Variants in COL5A2 observed in about 807,000 individuals in gnomAD.
COL5A2 encodes collagen type V alpha 2 chain.
In COL5A2, 23 loss-of-function variants were observed where a neutral mutation model predicts 208.2. The ratio of observed to expected loss-of-function variants is 0.11; its 90% confidence interval spans 0.08 to 0.16. The LOEUF is 0.16. Ranked by LOEUF, COL5A2 falls within the 10% of genes least tolerant of loss-of-function variation. COL5A2 has a pLI of 1.00. For missense variants in COL5A2, 1,590 were observed against 1,956.4 expected, an observed-to-expected ratio of 0.81 and a Z score of 3.53; for synonymous variants, 625 against 628.5, an observed-to-expected ratio of 0.99 and a Z score of 0.08.
At chr2:189,408,110 C>G in the COL5A2 span, among the ~76,000 whole-genome samples, 2 of 152,140 alleles carry the variant, frequency 1.3e-5, no homozygotes, top group African/African-American at 4.8e-5. Flanking sequence ...AAAATGAAAT[C>G]CTCTCTAATC....
the COL5A2 span, among the ~76,000 whole-genome samples, chr2:189,358,319 G>T: frequency 6.6e-6 from 1 of 152,116 alleles, no homozygotes; most frequent in African/African-American, 2.4e-5. Context: ...TGTAAAAAGA[G>T]ATTACTGTTG....
Position 189,158,049 on chromosome 2 carries a change from C to T in COL5A2, c.97+21459G>A, listed in dbSNP as rs149879775. Among the ~76,000 whole-genome samples the T allele has an allele frequency of 6.6e-3, 1,002 of 151,960 alleles. 46 individuals carry two copies. Among genetic ancestry groups the T allele is most frequent in the Admixed American group, 0.061 (939 of 15,272 alleles). On this transcript the variant is annotated intron_variant, in intron 1 of 53. Transcript: ENST00000374866. ...CAATACCTGAAACATAGTACAGGTC[C>T]AATAAATATTTTCTGCATTTTAATT...
chr2:189,408,530 CAG>C, the COL5A2 span, among the ~76,000 whole-genome samples: 1 of 152,118 alleles, frequency 6.6e-6, no homozygotes. Flanking sequence ...GAAAGCAACT[CAG>C]AGAATAAAAT....
chr2:189,121,521 G>C (rs1019152880), intron 1 of COL5A2, among the ~76,000 whole-genome samples: 3 of 152,020 alleles, frequency 2.0e-5, no homozygotes, highest in Admixed American at 2.0e-4. Context: ...GGGCTCTTGC[G>C]GTGGTGCGGG....
At chr2:189,106,597 T>G (rs1382916398) in intron 2 of COL5A2, among the ~76,000 whole-genome samples, 2 of 151,386 alleles carry the variant, frequency 1.3e-5, no homozygotes, top group Non-Finnish European at 3.0e-5. Flanking sequence ...ATTTCTTTTT[T>G]TAATGTCAAA....
In COL5A2 at chr2:189,043,232, T is replaced by G. The variant is rs769655969; in HGVS notation, c.3390A>C (p.Lys1130Asn). 2.5e-6 allele frequency: 4 copies of G among 1,613,670 alleles called. No individual in the cohort carries two copies. The highest frequency in any genetic ancestry group is 3.4e-6 in the Non-Finnish European group (4 of 1,179,738). Reference protein sequence around the residue: ...LPGPQGPRGDKGDHGDRGDRG... With the variant: ...LPGPQGPRGDNGDHGDRGDRG... The stretch of plus-strand genomic sequence containing the variant: ...TGTCACCTCGGTCTCCATGATCACC[T>G]TTGTCACCACGAGGTCCTTGGGGTC... Residue 1130 changes from lysine to asparagine, a missense_variant, in exon 48 of 54, where the codon AAA (lysine) becomes AAC (asparagine). By Grantham distance (94) the Lys-to-Asn change is moderately conservative. Transcript: ENST00000374866.
chr2:189,057,517 G>C (rs1685926842), intron 33 of COL5A2, 90 bp from the exon 34 acceptor site: 1 of 902,252 alleles, frequency 1.1e-6, no homozygotes. Flanking sequence ...GTAGTTGTCA[G>C]CAATTTCATG....
chr2:189,143,670 C>G (rs76093300), intron 1 of COL5A2, among the ~76,000 whole-genome samples: 4,006 of 152,168 alleles, frequency 0.026, 190 homozygotes, highest in African/African-American at 0.092. Flanking sequence ...GGGAGCTAAG[C>G]CCATGCATGA....
rs2153506953 is a variant in COL5A2, at chr2:189,042,739, G to T, written c.3506C>A (p.Pro1169His). The T allele has an allele frequency of 6.2e-7, 1 of 1,608,072 alleles. No individual in the cohort carries two copies. Among genetic ancestry groups the T allele is most frequent in the Non-Finnish European group, 8.5e-7 (1 of 1,176,608 alleles). The change falls in exon 49 of 54, where the codon CCT becomes CAT. Residue 1169 changes from proline (P) to histidine (H), a missense_variant. Transcript: ENST00000374866. ...ACTTACTCTTGGGCCAAATGGTCCA[G>T]GGATTCCAGCACTTCCTTGTTCACC... ...PNGEQGSAGI[P>H]GPFGPRGPPG...
upstream of COL5A2, among the ~76,000 whole-genome samples, chr2:189,225,477 C>G (rs1689402728): frequency 1.3e-5 from 2 of 152,114 alleles, no homozygotes; most frequent in South Asian, 4.1e-4. Context: ...TTATTTTTCA[C>G]AGTCAGACTC....
At chr2:189,172,655 CA>C (rs1482412018) in intron 1 of COL5A2, among the ~76,000 whole-genome samples, 3 of 152,058 alleles carry the variant, frequency 2.0e-5, no homozygotes, top group Non-Finnish European at 2.9e-5. Flanking sequence ...ATGGCTGGAC[CA>C]AGCTTTATTA....
chr2:189,315,759 A>G, the COL5A2 span, among the ~76,000 whole-genome samples: 1 of 152,112 alleles, frequency 6.6e-6, no homozygotes. Context: ...TATTGTGTAA[A>G]ATTACTATCA....
intron 1 of COL5A2, among the ~76,000 whole-genome samples, chr2:189,168,691 A>C (rs1048444241): frequency 6.6e-6 from 1 of 152,220 alleles, no homozygotes; most frequent in Non-Finnish European, 1.5e-5. Context: ...TGCTATGGGA[A>C]CCATCCATAT....
chr2:189,424,050 G>T, the COL5A2 span, among the ~76,000 whole-genome samples: 1 of 152,026 alleles, frequency 6.6e-6, no homozygotes, highest in Non-Finnish European at 1.5e-5. Flanking sequence ...TTCAACATAT[G>T]CAAATCAATA....
intron 29 of COL5A2, among the ~76,000 whole-genome samples, chr2:189,062,277 G>T (rs916883041): frequency 6.6e-6 from 1 of 151,228 alleles, no homozygotes; most frequent in African/African-American, 2.4e-5. Context: ...TCCGCCTCCC[G>T]GGTTCAAGTG....
chr2:189,045,834 C>T lies in COL5A2; in HGVS notation c.3275G>A (p.Gly1092Asp), dbSNP rs770974455. 28 of 1,614,168 alleles carry T rather than the reference C, an allele frequency of 1.7e-5. No individual in the cohort carries two copies. The highest frequency in any genetic ancestry group is 2.4e-5 in the Non-Finnish European group (28 of 1,180,010). The change falls in exon 46 of 54, where the codon GGT (glycine) becomes GAT (aspartate). Residue 1092 changes from glycine (G) to aspartate (D), a missense_variant. Physicochemically the swap from Gly to Asp is moderately conservative, Grantham distance 94. Coordinates refer to ENST00000374866, the MANE Select transcript of COL5A2 (RefSeq NM_000393.5). ...TCTTTGTCCTGCATCTCCTGGAGCA[C>T]CCACAGGGCCAGGAGTTCCAGGGGC... ...QGAPGTPGPV[G>D]APGDAGQRGD...
At chr2:189,372,706 A>G in the COL5A2 span, among the ~76,000 whole-genome samples, 1 of 152,186 alleles carries the variant, frequency 6.6e-6, no homozygotes, top group African/African-American at 2.4e-5. Context: ...CAAACAGCAT[A>G]TATAACTCAC....
intron 1 of COL5A2, among the ~76,000 whole-genome samples, chr2:189,211,278 A>G (rs1172940118): frequency 6.6e-6 from 1 of 152,178 alleles, no homozygotes; most frequent in African/African-American, 2.4e-5. Context: ...TTTATCCTAT[A>G]ATGACGTTCA....
chr2:189,138,823 A>G (rs1687876019), intron 1 of COL5A2, among the ~76,000 whole-genome samples: 2 of 152,250 alleles, frequency 1.3e-5, no homozygotes, highest in African/African-American at 4.8e-5. Flanking sequence ...CAAATAAAAT[A>G]AGCAAAGTAG....
Sources: allele counts gnomAD v4.1 joint callset (sites outside exome capture counted in the v4.1 genomes callset), GRCh38; gene constraint gnomAD v4.1.1; transcripts MANE v1.5; gene names NCBI Gene and HGNC (gene_info 2026-07-23, HGNC 2026-07-21).